AGBL4: variants seen among roughly 807,000 people sequenced by gnomAD.
AGBL4 encodes the protein AGBL carboxypeptidase 4, also known as cytosolic carboxypeptidase 6.
In AGBL4, 58 loss-of-function variants were observed where a neutral mutation model predicts 66.4. The observed-to-expected ratio is 0.87, with a 90% CI of 0.71 to 1.09. AGBL4 has a LOEUF of 1.09. Among genes scored for constraint, AGBL4 ranks in the 50% least tolerant of loss-of-function variants. AGBL4 has a pLI of 0.00. For synonymous variants in AGBL4, 234 were observed against 222.9 expected, an observed-to-expected ratio of 1.05 and a Z score of -0.44; for missense variants, 579 against 631.0, an observed-to-expected ratio of 0.92 and a Z score of 0.88.
intron 2 of AGBL4, among the ~76,000 whole-genome samples, chr1:49,785,903 T>C (rs1301152495): frequency 6.8e-6 from 1 of 147,406 alleles, no homozygotes; most frequent in East Asian, 2.0e-4. Flanking sequence ...AATATATATA[T>C]ATATATATAT....
At chr1:49,444,822 G>A (rs1019449179) in intron 3 of AGBL4, among the ~76,000 whole-genome samples, 3 of 151,792 alleles carry the variant, frequency 2.0e-5, no homozygotes, top group South Asian at 2.1e-4. Context: ...ATTGTTTTCT[G>A]CTTGTTTTAT....
intron 5 of AGBL4, among the ~76,000 whole-genome samples, chr1:48,944,684 G>A (rs1035646765): frequency 2.0e-5 from 3 of 151,810 alleles, no homozygotes; most frequent in Admixed American, 1.3e-4. Context: ...ACTGCCCCCC[G>A]CAACCCTTCT....
intron 1 of AGBL4, among the ~76,000 whole-genome samples, chr1:49,963,656 G>C (rs1041155645): frequency 6.6e-6 from 1 of 152,070 alleles, no homozygotes; most frequent in Admixed American, 6.6e-5. Flanking sequence ...ACTGAATTCA[G>C]GGTTCTGAAT....
At chr1:49,716,390 C>T (rs972082393) in intron 2 of AGBL4, among the ~76,000 whole-genome samples, 3 of 152,052 alleles carry the variant, frequency 2.0e-5, no homozygotes, top group African/African-American at 4.8e-5. Context: ...TAGCGTGGTG[C>T]CTCCAGCTTT....
chr1:49,025,556 A>G (rs1290947419), intron 5 of AGBL4: 5 of 152,176 alleles, frequency 3.3e-5, no homozygotes, highest in Non-Finnish European at 7.3e-5. Flanking sequence ...ATGACATTCT[A>G]TTACACAGAT....
intron 8 of AGBL4, among the ~76,000 whole-genome samples, chr1:48,641,416 G>T (rs538431210): frequency 6.6e-6 from 1 of 152,236 alleles, no homozygotes; most frequent in South Asian, 2.1e-4. Flanking sequence ...GATATTTAAA[G>T]CATTCTCCTC....
At chr1:49,096,671 ACACAC>A (rs1251588569) in intron 4 of AGBL4, among the ~76,000 whole-genome samples, 1 of 116,260 alleles carries the variant, frequency 8.6e-6, no homozygotes, top group East Asian at 2.8e-4. Context: ...GGGGAACATC[ACACAC>A]TGGGGCCTGT....
At chr1:48,960,527 A>C (rs932094819) in intron 5 of AGBL4, among the ~76,000 whole-genome samples, 2 of 152,222 alleles carry the variant, frequency 1.3e-5, no homozygotes, top group African/African-American at 4.8e-5. Context: ...GACTAAGAAG[A>C]GACCAAAGAA....
chr1:49,251,249 C>T (rs907093238), intron 3 of AGBL4, among the ~76,000 whole-genome samples: 3 of 152,194 alleles, frequency 2.0e-5, no homozygotes, highest in Non-Finnish European at 4.4e-5. Flanking sequence ...CTTCCCCATA[C>T]TGCAGCTTCC....
chr1:48,573,839 T>C (rs1644607278), intron 11 of AGBL4, among the ~76,000 whole-genome samples: 1 of 152,224 alleles, frequency 6.6e-6, no homozygotes, highest in Non-Finnish European at 1.5e-5. Context: ...TGAGTGCTTA[T>C]TATGTTCCAG....
At chr1:50,004,594 A>C (rs1660995938) in intron 1 of AGBL4, among the ~76,000 whole-genome samples, 1 of 152,190 alleles carries the variant, frequency 6.6e-6, no homozygotes, top group African/African-American at 2.4e-5. Context: ...ACAGTAGGAC[A>C]GGGCCCCAGA....
chr1:49,266,472 T>A (rs1428667457), intron 3 of AGBL4, among the ~76,000 whole-genome samples: 3 of 152,118 alleles, frequency 2.0e-5, no homozygotes, highest in Non-Finnish European at 4.4e-5. Flanking sequence ...TAGCACTAAT[T>A]CAAACATATT....
chr1:48,586,860 C>T (rs552052078), intron 11 of AGBL4, 144 bp downstream of exon 11: 21 of 1,052,442 alleles, frequency 2.0e-5, no homozygotes, highest in African/African-American at 1.3e-4. Context: ...AATCCAAAGA[C>T]GCCACCAGAA....
At chr1:48,595,517 A>G (rs1475405741) in intron 9 of AGBL4, among the ~76,000 whole-genome samples, 1 of 152,234 alleles carries the variant, frequency 6.6e-6, no homozygotes, top group Non-Finnish European at 1.5e-5. Flanking sequence ...GAATGAGAAT[A>G]GAAGGTGGGG....
intron 5 of AGBL4, among the ~76,000 whole-genome samples, chr1:48,970,787 G>A (rs1185152838): frequency 6.6e-6 from 1 of 152,112 alleles, no homozygotes; most frequent in Non-Finnish European, 1.5e-5. Flanking sequence ...ACAGCACAGA[G>A]CATCAAGAGG....
intron 4 of AGBL4, among the ~76,000 whole-genome samples, chr1:49,235,043 T>A (rs570649385): frequency 6.6e-6 from 1 of 152,354 alleles, no homozygotes; most frequent in Admixed American, 6.5e-5. Flanking sequence ...TGTTTCATAT[T>A]ATGGAAAAAC....
chr1:50,019,688 T>C (rs1191903104), intron 1 of AGBL4, among the ~76,000 whole-genome samples: 1 of 152,068 alleles, frequency 6.6e-6, no homozygotes, highest in Non-Finnish European at 1.5e-5. Flanking sequence ...TTTGCCTACA[T>C]GGGCTTCCAC....
chr1:48,977,284 T>C (rs1003734314), intron 5 of AGBL4, among the ~76,000 whole-genome samples: 2 of 152,156 alleles, frequency 1.3e-5, no homozygotes, highest in South Asian at 2.1e-4. Context: ...AAAATTGGTG[T>C]CTAAAAATAT....
At chr1:48,635,917 T>C (rs1261253850) in intron 8 of AGBL4, among the ~76,000 whole-genome samples, 1 of 152,228 alleles carries the variant, frequency 6.6e-6, no homozygotes, top group Non-Finnish European at 1.5e-5. Context: ...CATTACAACA[T>C]GAGCATGTTT....
Sources: allele counts gnomAD v4.1 joint callset (sites outside exome capture counted in the v4.1 genomes callset), GRCh38; gene constraint gnomAD v4.1.1; transcripts MANE v1.5; gene names NCBI Gene and HGNC (gene_info 2026-07-23, HGNC 2026-07-21).